The following IL17RD variants were observed in gnomAD, a reference collection of about 807,000 sequenced individuals.
The protein encoded by IL17RD is interleukin 17 receptor D.
A neutral mutation model predicts 80.5 loss-of-function variants in IL17RD; 52 were observed. The ratio of observed to expected loss-of-function variants is 0.65; its 90% CI spans 0.52 to 0.81. The LOEUF (loss-of-function observed/expected upper bound fraction) is 0.81. IL17RD is among the 40% of genes least tolerant of loss of function. IL17RD has a pLI of 0.00. For synonymous variants in IL17RD, 416 were observed against 391.8 expected (o/e 1.06, Z -0.73); for missense variants, 1,024 against 955.1 (o/e 1.07, Z -0.95).
At chr3:57,116,289 T>C (rs1707214758) in intron 2 of IL17RD, among the ~76,000 whole-genome samples, 1 of 149,394 alleles carries the variant, frequency 6.7e-6, no homozygotes, top group African/African-American at 2.5e-5. Flanking sequence ...TTTCTTTTTT[T>C]TTTTTTTTTT....
intron 1 of IL17RD, among the ~76,000 whole-genome samples, chr3:57,151,517 T>C (rs1292586488): frequency 6.6e-6 from 1 of 152,218 alleles, no homozygotes; most frequent in African/African-American, 2.4e-5. Flanking sequence ...TGCAAATTTA[T>C]AGAACCAGCA....
intron 1 of IL17RD, among the ~76,000 whole-genome samples, chr3:57,140,127 T>C (rs1281599307): frequency 6.6e-6 from 1 of 152,186 alleles, no homozygotes; most frequent in African/African-American, 2.4e-5. Context: ...CTCACAATTC[T>C]GCCAGACAGC....
chr3:57,102,431 C>A, intron 10 of IL17RD, 48 bp downstream of exon 10: 1 of 1,078,226 alleles, frequency 9.3e-7, no homozygotes, highest in East Asian at 2.7e-5. Flanking sequence ...TGGCAGCACC[C>A]CCTGGCCTGC....
chr3:57,139,377 C>CT (rs944987711), intron 1 of IL17RD, among the ~76,000 whole-genome samples: 1 of 151,780 alleles, frequency 6.6e-6, no homozygotes, highest in Admixed American at 6.6e-5. Context: ...TTTTTAAATG[C>CT]TTTTTAAACT....
chr3:57,154,260 TTA>T (rs751847693), intron 1 of IL17RD, among the ~76,000 whole-genome samples: 4,372 of 128,478 alleles, frequency 0.034, 176 homozygotes, highest in African/African-American at 0.1. Context: ...AAAAAAAAAA[TTA>T]TATATATATA....
intron 1 of IL17RD, among the ~76,000 whole-genome samples, chr3:57,132,479 AAAAC>A (rs1394144034): frequency 2.0e-5 from 3 of 152,104 alleles, no homozygotes; most frequent in African/African-American, 7.2e-5. Context: ...AACAACAACA[AAAAC>A]AAACAAAAAA....
chr3:57,152,758 C>T (rs1453148366), intron 1 of IL17RD, among the ~76,000 whole-genome samples: 2 of 152,128 alleles, frequency 1.3e-5, no homozygotes, highest in Non-Finnish European at 2.9e-5. Flanking sequence ...CTGTCTGTAA[C>T]GGACTCTAAT....
chr3:57,101,086 A>G (rs757192623), intron 11 of IL17RD, 93 bp downstream of exon 11: 7 of 986,782 alleles, frequency 7.1e-6, no homozygotes, highest in Non-Finnish European at 1.1e-5. Context: ...AGGTGTCACC[A>G]CAGGAGGCCC....
intron 1 of IL17RD, 136 bp from the exon 2 acceptor site, chr3:57,120,449 T>C (rs1391765679): frequency 1.1e-5 from 7 of 663,478 alleles, no homozygotes; most frequent in Non-Finnish European, 1.9e-5. Context: ...TCCACCACTC[T>C]TTCTGCCCGC....
rs74479912 is a variant in IL17RD at position 57,116,842 on chromosome 3, G to A, written c.185-2025C>T. Among the ~76,000 whole-genome samples the A allele has an allele frequency of 7.4e-3, 1,119 of 150,388 alleles. 13 individuals carry two copies. The highest frequency in any genetic ancestry group is 0.026 in the African/African-American group (1,055 of 40,776). On this transcript the variant is annotated intron_variant, in intron 2 of 12. Transcript: ENST00000296318. ...CTACCAACATGAGTTCTGAATCAGA[G>A]GTATTCAGCCTGTAAAAATCCTGGC...
At chr3:57,122,564 C>T (rs2107501295) in intron 1 of IL17RD, among the ~76,000 whole-genome samples, 1 of 152,260 alleles carries the variant, frequency 6.6e-6, no homozygotes, top group Admixed American at 6.5e-5. Flanking sequence ...GCTCTGTGCT[C>T]CTTATGAGAA....
chr3:57,096,604 T>C (rs1456879498), intron 12 of IL17RD, 99 bp from the exon 13 acceptor site: 2 of 855,606 alleles, frequency 2.3e-6, no homozygotes, highest in African/African-American at 1.7e-5. Flanking sequence ...GTTTGGACTA[T>C]GGGCTCTGTA....
intron 1 of IL17RD, among the ~76,000 whole-genome samples, chr3:57,146,309 C>T (rs1309442773): frequency 3.3e-5 from 5 of 152,252 alleles, no homozygotes; most frequent in African/African-American, 4.8e-5. Flanking sequence ...AGCGACATTT[C>T]GCCCACACCT....
intron 1 of IL17RD, among the ~76,000 whole-genome samples, chr3:57,135,309 G>A (rs985591140): frequency 4.6e-5 from 7 of 152,180 alleles, no homozygotes; most frequent in Admixed American, 4.6e-4. Flanking sequence ...GCTGGGAGGA[G>A]GCAGAAGGCC....
intron 1 of IL17RD, among the ~76,000 whole-genome samples, chr3:57,132,321 G>A (rs1425984222): frequency 2.0e-5 from 3 of 151,472 alleles, no homozygotes; most frequent in South Asian, 2.1e-4. Context: ...TTAGCCAGGC[G>A]TGGTGGCACC....
chr3:57,124,020 G>A (rs111769429), intron 1 of IL17RD, among the ~76,000 whole-genome samples: 1 of 152,246 alleles, frequency 6.6e-6, no homozygotes, highest in Non-Finnish European at 1.5e-5. Flanking sequence ...ACTCCATCCT[G>A]GGTGACAAGA....
rs1706577130 is a variant in IL17RD, at chr3:57,092,420, C to G, written c.*3973G>C. 6.6e-6 allele frequency: 1 copy of G among 152,244 alleles called. No individual in the cohort carries two copies. The highest frequency in any genetic ancestry group is 6.6e-5 in the Admixed American group (1 of 15,214). The allele number at this position is 152,244 out of a possible 1,614,324, so 9.4% of individuals were successfully genotyped here. On this transcript the variant is annotated 3_prime_UTR_variant, in exon 13 of 13. Transcript: ENST00000296318. ...TGGCTAACACAGTGAAACCCCGTCT[C>G]TACTAAAAATACAAAAAAATTAGCC...
intron 1 of IL17RD, among the ~76,000 whole-genome samples, chr3:57,123,689 C>T (rs1035433915): frequency 6.6e-6 from 1 of 152,216 alleles, no homozygotes; most frequent in African/African-American, 2.4e-5. Flanking sequence ...GCCATCCACG[C>T]CGGGTCATGG....
Position 57,096,067 on chromosome 3 carries a change from C to A in IL17RD, c.*326G>T. On this transcript the variant is annotated 3_prime_UTR_variant, in exon 13 of 13. Transcript: ENST00000296318. ...CTCAATGAAGTCTGAATGATTAGTG[C>A]AGGTATCTTCCTGTTTTTCTTTACA... 1 of 288,920 alleles carries A rather than the reference C, an allele frequency of 3.5e-6. No homozygotes were observed. The highest frequency in any genetic ancestry group is 6.7e-6 in the Non-Finnish European group (1 of 150,274). The allele number at this position is 288,920 out of a possible 1,614,324, so 17.9% of individuals were successfully genotyped here.
Sources: allele counts gnomAD v4.1 joint callset (sites outside exome capture counted in the v4.1 genomes callset), GRCh38; gene constraint gnomAD v4.1.1; transcripts MANE v1.5; gene names NCBI Gene and HGNC (gene_info 2026-07-23, HGNC 2026-07-21).